Variants in OXCT1 observed in about 807,000 individuals in gnomAD.
The protein encoded by OXCT1 is succinyl-CoA:3-ketoacid coenzyme A transferase 1, mitochondrial.
A neutral mutation model predicts 69.6 loss-of-function variants in OXCT1; 27 were observed. The observed-to-expected ratio is 0.39, with a 90% CI of 0.29 to 0.54. The LOEUF is 0.54. Among genes scored for constraint, OXCT1 ranks in the 20% least tolerant of loss-of-function variants. The pLI is 0.72. For missense variants in OXCT1, 437 were observed against 650.2 expected, an observed-to-expected ratio of 0.67 and a Z score of 3.57; for synonymous variants, 202 against 217.8, an observed-to-expected ratio of 0.93 and a Z score of 0.64.
intron 7 of OXCT1, among the ~76,000 whole-genome samples, chr5:41,822,576 C>T (rs139683548): frequency 6.6e-6 from 1 of 152,076 alleles, no homozygotes; most frequent in East Asian, 1.9e-4. Context: ...CGGGTTCAAG[C>T]GATTCCCCTG....
chr5:41,829,525 C>T (rs1747990699), intron 7 of OXCT1, among the ~76,000 whole-genome samples: 1 of 152,052 alleles, frequency 6.6e-6, no homozygotes, highest in Non-Finnish European at 1.5e-5. Context: ...TCCATTGTAC[C>T]TGAGATAATG....
At chr5:41,759,515 G>A (rs920041191) in intron 14 of OXCT1, among the ~76,000 whole-genome samples, 2 of 152,010 alleles carry the variant, frequency 1.3e-5, no homozygotes, top group Non-Finnish European at 2.9e-5. Context: ...AAGTTACAAT[G>A]CCAGTCTGAC....
intron 7 of OXCT1, among the ~76,000 whole-genome samples, chr5:41,808,721 C>T (rs529557702): frequency 1.3e-5 from 2 of 152,142 alleles, no homozygotes; most frequent in African/African-American, 4.8e-5. Flanking sequence ...CTATGTCCTC[C>T]CCTTGAAAAC....
chr5:41,800,029 A>G (rs183155487), intron 11 of OXCT1, among the ~76,000 whole-genome samples: 162 of 152,298 alleles, frequency 1.1e-3, no homozygotes, highest in Non-Finnish European at 1.7e-3. Context: ...TTAGCTTCTT[A>G]TGGGCAGCTG....
At chr5:41,856,043 G>A (rs1268660618) in intron 3 of OXCT1, among the ~76,000 whole-genome samples, 3 of 152,262 alleles carry the variant, frequency 2.0e-5, no homozygotes, top group South Asian at 4.1e-4. Flanking sequence ...GGAGAAGGCA[G>A]GACCAGTTGT....
chr5:41,869,852 C>T (rs1750198293), intron 1 of OXCT1, among the ~76,000 whole-genome samples: 1 of 152,138 alleles, frequency 6.6e-6, no homozygotes, highest in African/African-American at 2.4e-5. Flanking sequence ...AGAGATCCAA[C>T]ATCGGGGGCG....
intron 1 of OXCT1, among the ~76,000 whole-genome samples, chr5:41,863,590 G>A (rs895430204): frequency 6.6e-6 from 1 of 152,114 alleles, no homozygotes; most frequent in South Asian, 2.1e-4. Flanking sequence ...TATCACTGAA[G>A]TCCCCTTGTA....
Position 41,807,454 on chromosome 5 carries a change from T to C in OXCT1, c.733-16A>G, listed in dbSNP as rs1746741124. On this transcript the variant is annotated splice_polypyrimidine_tract_variant and intron_variant, in intron 7 of 16. Coordinates refer to ENST00000196371, the MANE Select transcript of OXCT1 (RefSeq NM_000436.4). ...TTTCTTCAACCTAGACAAAGAGAAA[T>C]TTCTTTCAAAGTTAGTGAAAGCTTA... The C allele has an allele frequency of 6.8e-7, 1 of 1,469,116 alleles. No individual in the cohort carries two copies. The allele number at this position is 1,469,116 out of a possible 1,614,324, so 91.0% of individuals were successfully genotyped here.
chr5:41,769,280 C>A lies in OXCT1; in HGVS notation c.1249-7080G>T, dbSNP rs79797070. Among the ~76,000 whole-genome samples the A allele has an allele frequency of 3.9e-5, 6 of 152,238 alleles. 1 individual carries two copies. In the East Asian group the frequency reaches 1.2e-3, roughly 29 times the overall value. The stretch of plus-strand genomic sequence containing the variant: ...CCCTTCTCTCTAACCACCCTTCCCC[C>A]CAAAATTTAATAATTAAAAACACAA... On this transcript the variant is annotated intron_variant, in intron 13 of 16. Transcript: ENST00000196371.
chr5:41,746,094 CAA>C (rs1008211500), intron 15 of OXCT1, among the ~76,000 whole-genome samples: 4 of 151,862 alleles, frequency 2.6e-5, no homozygotes, highest in African/African-American at 9.7e-5. Context: ...AGAGACACAA[CAA>C]AAAAAGAGAA....
At chr5:41,776,352 A>G (rs1041349555) in intron 13 of OXCT1, among the ~76,000 whole-genome samples, 1 of 152,228 alleles carries the variant, frequency 6.6e-6, no homozygotes, top group Admixed American at 6.5e-5. Flanking sequence ...GGTGGGGGGA[A>G]TATGGAAACT....
intron 3 of OXCT1, among the ~76,000 whole-genome samples, chr5:41,854,760 A>T (rs1223736738): frequency 6.6e-6 from 1 of 152,190 alleles, no homozygotes; most frequent in Non-Finnish European, 1.5e-5. Flanking sequence ...ACATGAAGGG[A>T]TGGCTAAAAA....
At chr5:41,869,455 G>A (rs1750171877) in intron 1 of OXCT1, among the ~76,000 whole-genome samples, 1 of 152,192 alleles carries the variant, frequency 6.6e-6, no homozygotes, top group Non-Finnish European at 1.5e-5. Flanking sequence ...CGAGGACAGT[G>A]CATAAGGCAA....
chr5:41,801,268 T>G (rs1746414297), intron 10 of OXCT1, among the ~76,000 whole-genome samples, 198 bp from the exon 11 acceptor site: 1 of 152,164 alleles, frequency 6.6e-6, no homozygotes, highest in Admixed American at 6.6e-5. Flanking sequence ...AAGTTGTGAT[T>G]GGGCAAATGA....
At chr5:41,858,571 A>T (rs1422551329) in intron 3 of OXCT1, among the ~76,000 whole-genome samples, 1 of 152,212 alleles carries the variant, frequency 6.6e-6, no homozygotes, top group Non-Finnish European at 1.5e-5. Context: ...TTTGGTGACT[A>T]GAAAAAGTCT....
intron 8 of OXCT1, among the ~76,000 whole-genome samples, 186 bp downstream of exon 8, chr5:41,807,145 T>G (rs183255011): frequency 6.6e-6 from 1 of 152,196 alleles, no homozygotes; most frequent in East Asian, 1.9e-4. Context: ...GACAAGGCAC[T>G]GTCAGCCTGC....
chr5:41,787,364 A>C (rs1423855230), intron 13 of OXCT1, among the ~76,000 whole-genome samples: 1 of 152,142 alleles, frequency 6.6e-6, no homozygotes, highest in Non-Finnish European at 1.5e-5. Context: ...AGCCAACAAG[A>C]TAGGTCTACA....
At chr5:41,840,407 C>T (rs750546869) in intron 7 of OXCT1, 44 bp downstream of exon 7, 2 of 1,364,156 alleles carry the variant, frequency 1.5e-6, no homozygotes, top group Non-Finnish European at 2.1e-6. Flanking sequence ...TACTTAACAT[C>T]AAGTTAAATA....
At chr5:41,828,953 A>C (rs1422054774) in intron 7 of OXCT1, among the ~76,000 whole-genome samples, 1 of 152,202 alleles carries the variant, frequency 6.6e-6, no homozygotes, top group Non-Finnish European at 1.5e-5. Context: ...GACTGTATAA[A>C]AACAGGCCGT....
Sources: gnomAD v4.1 joint callset for allele counts (sites outside exome capture counted in the v4.1 genomes callset) on GRCh38, gnomAD v4.1.1 for gene constraint, MANE v1.5 for transcripts, NCBI Gene and HGNC (gene_info 2026-07-23, HGNC 2026-07-21) for gene names.